The following INPP4B variants were observed in gnomAD, a reference collection of about 807,000 sequenced individuals.
The protein encoded by INPP4B is inositol polyphosphate-4-phosphatase type II B.
A neutral mutation model predicts 122.5 loss-of-function variants in INPP4B; 55 were observed. That is an observed-to-expected ratio of 0.45 (90% CI 0.36 to 0.56). The LOEUF (loss-of-function observed/expected upper bound fraction) is 0.56. Ranked by LOEUF, INPP4B falls within the 20% of genes least tolerant of loss-of-function variation. INPP4B has a pLI of 0.00. For missense variants in INPP4B, 1,000 were observed against 1,097.7 expected, an observed-to-expected ratio of 0.91 and a Z score of 1.26; for synonymous variants, 403 against 388.7, an observed-to-expected ratio of 1.04 and a Z score of -0.43.
At chr4:142,431,064 C>T (rs1580043156) in intron 4 of INPP4B, 105 bp downstream of exon 4, 1 of 780,088 alleles carries the variant, frequency 1.3e-6, no homozygotes, top group African/African-American at 1.7e-5. Flanking sequence ...TTTATTAGAA[C>T]CGAAGTTCCT....
intron 9 of INPP4B, among the ~76,000 whole-genome samples, chr4:142,273,203 T>C (rs1746710575): frequency 1.3e-5 from 2 of 151,994 alleles, no homozygotes; most frequent in African/African-American, 2.4e-5. Context: ...CTCAACACAA[T>C]GTCTTACACA....
intron 2 of INPP4B, among the ~76,000 whole-genome samples, chr4:142,591,273 A>C (rs899917565): frequency 1.3e-5 from 2 of 152,096 alleles, no homozygotes; most frequent in African/African-American, 2.4e-5. Context: ...CAACAGAGCA[A>C]GACCCTGTTC....
At chr4:142,453,997 G>C (rs1289747829) in intron 3 of INPP4B, among the ~76,000 whole-genome samples, 1 of 152,142 alleles carries the variant, frequency 6.6e-6, no homozygotes, top group South Asian at 2.1e-4. Flanking sequence ...TCTCTGTGAT[G>C]AACTGGGGTA....
At chr4:142,043,445 A>G (rs1749401469) in intron 25 of INPP4B, among the ~76,000 whole-genome samples, 1 of 152,202 alleles carries the variant, frequency 6.6e-6, no homozygotes, top group Admixed American at 6.5e-5. Context: ...AGATTCAAAT[A>G]CCAGGGAAGT....
intron 25 of INPP4B, among the ~76,000 whole-genome samples, chr4:142,035,359 T>C (rs1431868359): frequency 6.6e-6 from 1 of 152,134 alleles, no homozygotes; most frequent in African/African-American, 2.4e-5. Context: ...CAGAGGTGGG[T>C]TGGATAGGAC....
At chr4:142,187,611 A>T (rs2636667) in intron 15 of INPP4B, among the ~76,000 whole-genome samples, 2 of 151,684 alleles carry the variant, frequency 1.3e-5, no homozygotes, top group African/African-American at 2.4e-5. Context: ...TTTTTTTTTG[A>T]GACAGGGCCT....
intron 9 of INPP4B, among the ~76,000 whole-genome samples, chr4:142,288,690 T>C (rs1754989396): frequency 6.6e-6 from 1 of 151,852 alleles, no homozygotes; most frequent in Non-Finnish European, 1.5e-5. Context: ...CATTTTCTTC[T>C]CTCTCATCCT....
intron 8 of INPP4B, among the ~76,000 whole-genome samples, chr4:142,307,372 T>C (rs1346743282): frequency 6.6e-6 from 1 of 152,104 alleles, no homozygotes; most frequent in East Asian, 1.9e-4. Context: ...ACATATTATA[T>C]ATTTATTTTG....
chr4:142,046,937 T>C (rs554988624), intron 25 of INPP4B, among the ~76,000 whole-genome samples: 19 of 152,220 alleles, frequency 1.2e-4, no homozygotes, highest in African/African-American at 4.6e-4. Context: ...ACAAGGCTTA[T>C]AGACAGAGGC....
intron 17 of INPP4B, among the ~76,000 whole-genome samples, chr4:142,158,674 C>T (rs1449830361): frequency 6.6e-6 from 1 of 151,964 alleles, no homozygotes; most frequent in East Asian, 1.9e-4. Flanking sequence ...CTCTGAGCTC[C>T]AAGAACTAAG....
At chr4:142,251,008 G>A (rs940271297) in intron 11 of INPP4B, among the ~76,000 whole-genome samples, 15 of 152,252 alleles carry the variant, frequency 9.9e-5, no homozygotes, top group African/African-American at 3.1e-4. Flanking sequence ...CTGGTAATCT[G>A]AAAGAATTAG....
At chr4:142,845,976 G>T (rs917391007) in intron 1 of INPP4B, among the ~76,000 whole-genome samples, 1 of 151,972 alleles carries the variant, frequency 6.6e-6, no homozygotes, top group Non-Finnish European at 1.5e-5. Flanking sequence ...GGTGACAGGG[G>T]TACCCCAGCA....
intron 18 of INPP4B, among the ~76,000 whole-genome samples, chr4:142,136,042 CT>C (rs1561247113): frequency 3.3e-5 from 5 of 152,210 alleles, no homozygotes; most frequent in African/African-American, 1.2e-4. Context: ...TGTGATCCAC[CT>C]ACCTTGGCCT....
intron 7 of INPP4B, among the ~76,000 whole-genome samples, chr4:142,338,922 C>T: frequency 6.6e-6 from 1 of 152,074 alleles, no homozygotes; most frequent in Admixed American, 6.5e-5. Context: ...TGAGTTTCCA[C>T]AGTGTAGGTC....
intron 25 of INPP4B, among the ~76,000 whole-genome samples, chr4:142,053,424 C>T (rs748098391): frequency 1.2e-4 from 19 of 152,064 alleles, no homozygotes; most frequent in Non-Finnish European, 2.2e-4. Context: ...TGGATGGTAA[C>T]ATTGTATCAT....
intron 3 of INPP4B, among the ~76,000 whole-genome samples, chr4:142,453,176 A>G (rs992594345): frequency 2.0e-5 from 3 of 152,192 alleles, no homozygotes; most frequent in African/African-American, 4.8e-5. Flanking sequence ...CGCATGCACC[A>G]AAGTAGAGGA....
At chr4:142,524,018 T>C (rs1228696498) in intron 2 of INPP4B, among the ~76,000 whole-genome samples, 1 of 150,162 alleles carries the variant, frequency 6.7e-6, no homozygotes, top group African/African-American at 2.5e-5. Flanking sequence ...TAGTATTCCA[T>C]GGTGTATATG....
chr4:142,054,244 C>G (rs1247924929), intron 25 of INPP4B, among the ~76,000 whole-genome samples: 1 of 151,678 alleles, frequency 6.6e-6, no homozygotes, highest in Non-Finnish European at 1.5e-5. Flanking sequence ...TATGCCCAAC[C>G]ACAACACCCT....
At chr4:142,766,173 C>T (rs6832375) in intron 1 of INPP4B, among the ~76,000 whole-genome samples, 8,547 of 152,144 alleles carry the variant, frequency 0.056, 355 homozygotes, top group African/African-American at 0.11. Context: ...GTACAACAAA[C>T]ATTATTTGTA....
Sources: gnomAD v4.1 joint callset for allele counts (sites outside exome capture counted in the v4.1 genomes callset) on GRCh38, gnomAD v4.1.1 for gene constraint, MANE v1.5 for transcripts, NCBI Gene and HGNC (gene_info 2026-07-23, HGNC 2026-07-21) for gene names.